The following ILRUN variants were observed in gnomAD, a reference collection of about 807,000 sequenced individuals.
ILRUN encodes the protein inflammation and lipid regulator with UBA-like and NBR1-like domains, also known as protein ILRUN.
Under a neutral mutation model 33.8 loss-of-function variants are expected in ILRUN, and 3 were observed. That is an observed-to-expected ratio of 0.09 (90% CI 0.04 to 0.23). The LOEUF (loss-of-function observed/expected upper bound fraction) is 0.23, where lower values mean the gene tolerates loss of function less well. Among genes scored for constraint, ILRUN ranks in the 10% least tolerant of loss-of-function variants. The pLI, the probability that ILRUN is intolerant of heterozygous loss-of-function variation, is 1.00. For missense variants in ILRUN, 210 were observed against 375.1 expected, an observed-to-expected ratio of 0.56 and a Z score of 3.64; for synonymous variants, 124 against 138.9, an observed-to-expected ratio of 0.89 and a Z score of 0.75.
At chr6:34,683,504 A>ATATGTG (rs1562033298) in intron 1 of ILRUN, among the ~76,000 whole-genome samples, 1 of 99,282 alleles carries the variant, frequency 1.0e-5, no homozygotes, top group East Asian at 2.8e-4. Context: ...ATATACATAT[A>ATATGTG]TATATATATA....
chr6:34,597,734 A>G (rs925452542), intron 4 of ILRUN, among the ~76,000 whole-genome samples: 2 of 152,156 alleles, frequency 1.3e-5, no homozygotes, highest in Non-Finnish European at 2.9e-5. Context: ...TTCATATTAA[A>G]TGTGAACTCT....
chr6:34,600,382 C>A (rs113881389), intron 4 of ILRUN, among the ~76,000 whole-genome samples: 169 of 152,288 alleles, frequency 1.1e-3, no homozygotes, highest in Admixed American at 2.8e-3. Flanking sequence ...CTAAAATATT[C>A]TTTCTCCAGA....
rs74846651 is a variant in ILRUN at position 34,607,073 on chromosome 6, A to T, written c.512-169T>A. Among the ~76,000 whole-genome samples the T allele has an allele frequency of 4.2e-3, 647 of 152,366 alleles. 5 individuals carry two copies. The highest frequency in any genetic ancestry group is 0.014 in the African/African-American group (602 of 41,584). ...TGCCTGGTACATTTGCATTGCATGC[A>T]TAGCTACATTTTTGGTAATGTCAAA... On this transcript the variant is annotated intron_variant, in intron 3 of 4. Transcript: ENST00000374023.
intron 3 of ILRUN, chr6:34,616,661 A>C: frequency 8.2e-7 from 1 of 1,218,772 alleles, no homozygotes; most frequent in Non-Finnish European, 1.2e-6. Flanking sequence ...GGTGCTTTGA[A>C]AGGCAAGGAG....
chr6:34,608,352 T>C (rs1403962586), intron 3 of ILRUN, among the ~76,000 whole-genome samples: 2 of 152,014 alleles, frequency 1.3e-5, no homozygotes, highest in East Asian at 3.9e-4. Context: ...CACTGCACTC[T>C]AGCCTAGTTG....
intron 3 of ILRUN, among the ~76,000 whole-genome samples, chr6:34,617,657 C>G (rs912990667): frequency 5.9e-5 from 9 of 152,166 alleles, no homozygotes; most frequent in African/African-American, 2.2e-4. Context: ...TTAGACCCCA[C>G]CAGCAGCAGA....
In ILRUN at chr6:34,662,993, C is replaced by T. The variant is rs965800245; in HGVS notation, c.159-8214G>A. ...CCTATAGTCACAGCTACTTGGGAGGCTGCAGTGGGAGGATCCCTTGAGCCC... is the reference window on the plus strand; with the variant it reads ...CCTATAGTCACAGCTACTTGGGAGGTTGCAGTGGGAGGATCCCTTGAGCCC... On this transcript the variant is annotated intron_variant, in intron 1 of 4. Transcript: ENST00000374023. Among the ~76,000 whole-genome samples, 8 of 152,274 alleles carry T rather than the reference C, an allele frequency of 5.3e-5. No homozygotes were observed. The East Asian group carries it at 1.4e-3, about 26-fold the overall frequency.
chr6:34,669,625 T>C (rs1378270938), intron 1 of ILRUN, among the ~76,000 whole-genome samples: 1 of 152,212 alleles, frequency 6.6e-6, no homozygotes, highest in Non-Finnish European at 1.5e-5. Context: ...AATAATTGTG[T>C]GTGAAGGCCT....
chr6:34,693,920 G>A lies in ILRUN; in HGVS notation c.158+2526C>T, dbSNP rs181946360. Among the ~76,000 whole-genome samples, 1,055 of 151,984 alleles carry A rather than the reference G, an allele frequency of 6.9e-3. 5 individuals are homozygous for A. The highest frequency in any genetic ancestry group is 0.01 in the Non-Finnish European group (713 of 67,978). ...CTCACTGCAGCCTCAGCTTCCCAGG[G>A]TGATCCTCCCACTTCAGCCTCCCAA... On this transcript the variant is annotated intron_variant, in intron 1 of 4. Coordinates refer to ENST00000374023, the MANE Select transcript of ILRUN (RefSeq NM_024294.4).
intron 1 of ILRUN, among the ~76,000 whole-genome samples, chr6:34,675,157 T>C (rs1763202293): frequency 6.6e-6 from 1 of 152,070 alleles, no homozygotes. Context: ...AGTGGGCACC[T>C]GTCATTACAG....
rs375866553 is a variant in ILRUN, at chr6:34,657,141, T to C, written c.159-2362A>G. On this transcript the variant is annotated intron_variant, in intron 1 of 4. Transcript: ENST00000374023. ...TAAGCCTAGTTTGCAATTTGCTCTTTTGAAAACATTTTGGAAAAGCTGTAT... is the reference window on the plus strand; with the variant it reads ...TAAGCCTAGTTTGCAATTTGCTCTTCTGAAAACATTTTGGAAAAGCTGTAT... Among the ~76,000 whole-genome samples the C allele has an allele frequency of 3.9e-5, 6 of 152,392 alleles. No individual in the cohort carries two copies. The South Asian group carries it at 1.0e-3, about 26-fold the overall frequency.
At chr6:34,616,393 A>G in intron 3 of ILRUN, 1 of 465,866 alleles carries the variant, frequency 2.1e-6, no homozygotes, top group Non-Finnish European at 3.8e-6. Context: ...GCTGAGCTAT[A>G]AGCTACAGGC....
chr6:34,680,365 C>A (rs1038591809), intron 1 of ILRUN, among the ~76,000 whole-genome samples: 4 of 152,128 alleles, frequency 2.6e-5, no homozygotes, highest in African/African-American at 9.7e-5. Context: ...AAAAGGTTAA[C>A]ATTTTTATCT....
At chr6:34,617,439 T>G (rs1761919102) in intron 3 of ILRUN, among the ~76,000 whole-genome samples, 1 of 152,178 alleles carries the variant, frequency 6.6e-6, no homozygotes, top group East Asian at 1.9e-4. Context: ...GTTGTCCCGG[T>G]GCTGATCTGT....
chr6:34,596,158 T>C (rs928433628), intron 4 of ILRUN, among the ~76,000 whole-genome samples: 1 of 152,216 alleles, frequency 6.6e-6, no homozygotes, highest in Non-Finnish European at 1.5e-5. Flanking sequence ...CAATGGGCAC[T>C]CTCTCAGTAA....
chr6:34,655,973 G>A (rs1184387369), intron 1 of ILRUN, among the ~76,000 whole-genome samples: 5 of 151,984 alleles, frequency 3.3e-5, no homozygotes, highest in East Asian at 3.9e-4. Context: ...AGTGGCTCAC[G>A]CCTGTAATCC....
intron 1 of ILRUN, among the ~76,000 whole-genome samples, chr6:34,666,205 G>A (rs1227627306): frequency 6.6e-6 from 1 of 152,176 alleles, no homozygotes; most frequent in African/African-American, 2.4e-5. Context: ...TCAGCTGCCA[G>A]TATCTCCAAG....
intron 1 of ILRUN, among the ~76,000 whole-genome samples, chr6:34,677,423 C>T (rs750557310): frequency 1.3e-5 from 2 of 151,486 alleles, no homozygotes; most frequent in African/African-American, 4.9e-5. Context: ...AATAATGGGA[C>T]GTTAGGAGTC....
chr6:34,656,928 A>G (rs1460820388), intron 1 of ILRUN, among the ~76,000 whole-genome samples: 2 of 152,208 alleles, frequency 1.3e-5, no homozygotes, highest in African/African-American at 4.8e-5. Context: ...TTGCTTGACT[A>G]TTCAATACAA....
Sources: allele counts gnomAD v4.1 joint callset (sites outside exome capture counted in the v4.1 genomes callset), GRCh38; gene constraint gnomAD v4.1.1; transcripts MANE v1.5; gene names NCBI Gene and HGNC (gene_info 2026-07-23, HGNC 2026-07-21).